BCAS3: variants seen among roughly 807,000 people sequenced by gnomAD.
The protein encoded by BCAS3 is BCAS4/BCAS3 fusion.
A neutral mutation model predicts 116.1 loss-of-function variants in BCAS3; 53 were observed. The observed-to-expected ratio is 0.46, with a 90% CI of 0.37 to 0.57. The LOEUF is 0.57. Ranked by LOEUF, BCAS3 falls within the 20% of genes least tolerant of loss-of-function variation. The pLI, the probability that BCAS3 is intolerant of heterozygous loss-of-function variation, is 0.00. For missense variants in BCAS3, 917 were observed against 1,165.4 expected (o/e 0.79, Z 3.10); for synonymous variants, 391 against 408.2 (o/e 0.96, Z 0.51).
intron 6 of BCAS3, among the ~76,000 whole-genome samples, chr17:60,762,532 G>T (rs1309644828): frequency 6.6e-6 from 1 of 152,012 alleles, no homozygotes; most frequent in African/African-American, 2.4e-5. Context: ...TTATTCTGAG[G>T]CCTCTGTTCT....
chr17:60,868,527 T>C (rs765925789), intron 7 of BCAS3, 49 bp from the exon 8 acceptor site: 2 of 1,142,686 alleles, frequency 1.8e-6, no homozygotes, highest in Non-Finnish European at 2.4e-6. Flanking sequence ...AGATTATTGG[T>C]CTTTCTTTTT....
chr17:60,752,626 T>C (rs1160712941), intron 6 of BCAS3, among the ~76,000 whole-genome samples: 2 of 152,020 alleles, frequency 1.3e-5, no homozygotes, highest in East Asian at 1.9e-4. Context: ...GGTTTCACCA[T>C]GTTAGCCAGG....
chr17:61,148,948 G>A (rs2077393738), intron 22 of BCAS3, among the ~76,000 whole-genome samples: 1 of 152,204 alleles, frequency 6.6e-6, no homozygotes, highest in African/African-American at 2.4e-5. Context: ...TGGGAGAATT[G>A]ATTGTAACAT....
intron 22 of BCAS3, among the ~76,000 whole-genome samples, chr17:61,254,777 G>GAAAA (rs61471068): frequency 4.1e-5 from 3 of 73,532 alleles, no homozygotes; most frequent in Admixed American, 2.3e-4. Context: ...CTCCGTCTCA[G>GAAAA]AAAAAAAAAA....
rs1263994626 is a variant in BCAS3, at chr17:61,354,748, A to G, written c.2426-13579A>G. On this transcript the variant is annotated intron_variant, in intron 22 of 23. Transcript: ENST00000407086. The surrounding 1 kb of genome is among the most constrained non-coding windows in gnomAD (Gnocchi z 4.5). ...GGTTTAGGTGGTTGAGAGAGGTGGAAGGTTGACCACACACTCCAAATACAC... is the reference window on the plus strand; with the variant it reads ...GGTTTAGGTGGTTGAGAGAGGTGGAGGGTTGACCACACACTCCAAATACAC... 1.3e-5 allele frequency: 2 copies of G among 152,254 alleles called. No individual in the cohort carries two copies. The highest frequency in any genetic ancestry group is 4.8e-5 in the African/African-American group (2 of 41,462). The allele number at this position is 152,254 out of a possible 1,614,324, so 9.4% of individuals were successfully genotyped here.
intron 7 of BCAS3, among the ~76,000 whole-genome samples, chr17:60,830,445 C>T (rs1296530682): frequency 6.6e-6 from 1 of 152,108 alleles, no homozygotes; most frequent in African/African-American, 2.4e-5. Flanking sequence ...AAAAATGGGA[C>T]AAACATGAAG....
intron 22 of BCAS3, among the ~76,000 whole-genome samples, chr17:61,311,573 T>A (rs1418500040): frequency 1.3e-5 from 2 of 152,118 alleles, no homozygotes; most frequent in Admixed American, 6.6e-5. Flanking sequence ...ACTTGGGGGG[T>A]AAATTGTTGC....
At chr17:60,708,472 C>T (rs2037455440) in intron 4 of BCAS3, among the ~76,000 whole-genome samples, 1 of 152,148 alleles carries the variant, frequency 6.6e-6, no homozygotes, top group Admixed American at 6.6e-5. Context: ...GCTCCTTCCA[C>T]TTCAGTCTCC....
chr17:60,989,065 A>T (rs1176081794), intron 14 of BCAS3, among the ~76,000 whole-genome samples: 2 of 151,442 alleles, frequency 1.3e-5, no homozygotes, highest in Non-Finnish European at 1.5e-5. Context: ...CCATATATAT[A>T]TTTTCATGTT....
chr17:61,114,777 G>A (rs1446239898), intron 22 of BCAS3, among the ~76,000 whole-genome samples: 13 of 149,486 alleles, frequency 8.7e-5, no homozygotes, highest in South Asian at 8.5e-4. Context: ...AGCCCGCATC[G>A]CCAAGGCAAT....
At position 61,010,035 on chromosome 17, in the gene BCAS3, G is replaced by A. The variant is rs548072439; in HGVS notation, c.1487-5716G>A. On this transcript the variant is annotated intron_variant, in intron 15 of 23. Coordinates refer to ENST00000407086, the MANE Select transcript of BCAS3 (RefSeq NM_017679.5). ...TAATTTGTTTTTACTTTGTCTGCAG[G>A]GATTTCTTTTGTCCGGAGTTTTCAG... 4.0e-5 allele frequency among the ~76,000 whole-genome samples: 6 copies of A among 150,258 alleles called. No individual in the cohort carries two copies. In the East Asian group the frequency reaches 1.2e-3, roughly 29 times the overall value.
intron 8 of BCAS3, among the ~76,000 whole-genome samples, chr17:60,871,979 C>T (rs1298465184): frequency 1.3e-5 from 2 of 151,930 alleles, no homozygotes; most frequent in Non-Finnish European, 2.9e-5. Flanking sequence ...GGTTAACATA[C>T]ATTTATGGTT....
rs1002465167 is a variant in BCAS3, at chr17:61,348,794, C to T, written c.2426-19533C>T. Among the ~76,000 whole-genome samples, 1 of 148,726 alleles carries T rather than the reference C, an allele frequency of 6.7e-6. No homozygotes were observed. The highest frequency in any genetic ancestry group is 6.7e-5 in the Admixed American group (1 of 14,896). On this transcript the variant is annotated intron_variant, in intron 22 of 23. Transcript: ENST00000407086. The surrounding 1 kb of genome is among the most constrained non-coding windows in gnomAD (Gnocchi z 4.5). ...TTGAAACAGAGTCTCACTCTGTCGC[C>T]GAGGCTGGAGTGCAGTGGCATGATA...
At chr17:61,049,648 C>G (rs1045897051) in intron 19 of BCAS3, among the ~76,000 whole-genome samples, 2 of 151,346 alleles carry the variant, frequency 1.3e-5, no homozygotes, top group Non-Finnish European at 2.9e-5. Flanking sequence ...AAAAAAAAAT[C>G]TTAAAAGCAG....
At chr17:61,003,206 GTA>G (rs1036193635) in intron 15 of BCAS3, among the ~76,000 whole-genome samples, 50 of 150,930 alleles carry the variant, frequency 3.3e-4, no homozygotes, top group Middle Eastern at 3.4e-3. Context: ...TTTCCCCAAC[GTA>G]TGTTTCAGTC....
chr17:60,976,607 C>T (rs2062396492), intron 14 of BCAS3, among the ~76,000 whole-genome samples: 2 of 151,914 alleles, frequency 1.3e-5, no homozygotes, highest in African/African-American at 4.8e-5. Context: ...TGTTTGTGTC[C>T]CTGGGTATTT....
rs184430637 is a variant in BCAS3, at chr17:61,227,091, T to C, written c.2426-141236T>C. 1.2e-4 allele frequency among the ~76,000 whole-genome samples: 18 copies of C among 152,282 alleles called. No individual in the cohort carries two copies. The highest frequency in any genetic ancestry group is 7.2e-4 in the Admixed American group (11 of 15,296). On this transcript the variant is annotated intron_variant, in intron 22 of 23. Transcript: ENST00000407086. This position sits in a 1 kb window ranked among gnomAD's most constrained non-coding sequence, Gnocchi z 6.1. ...ACGCCCCTTTCCCATAGGTTATGGT[T>C]ACTCCATAGTTAAGCTGATGTTACG...
rs1180623410 is a variant in BCAS3 at position 61,314,793 on chromosome 17, A to G, written c.2426-53534A>G. Among the ~76,000 whole-genome samples, 3 of 152,274 alleles carry G rather than the reference A, an allele frequency of 2.0e-5. No homozygotes were observed. The East Asian group carries it at 5.8e-4, about 29-fold the overall frequency. On this transcript the variant is annotated intron_variant, in intron 22 of 23. Transcript: ENST00000407086. ...TCTCCTAAATGAAAAATGTTACCTA[A>G]TTGCCTAAAACAGCTGGCTTGATGT...
At chr17:60,742,074 A>C (rs1408255082) in intron 5 of BCAS3, among the ~76,000 whole-genome samples, 1 of 152,204 alleles carries the variant, frequency 6.6e-6, no homozygotes, top group Non-Finnish European at 1.5e-5. Flanking sequence ...ACAGAGAAGC[A>C]ATTAGGAATA....
Sources: gnomAD v4.1 joint callset for allele counts (sites outside exome capture counted in the v4.1 genomes callset) on GRCh38, gnomAD v4.1.1 for gene constraint, Gnocchi (gnomAD v3.1) non-coding constraint, MANE v1.5 for transcripts, NCBI Gene and HGNC (gene_info 2026-07-23, HGNC 2026-07-21) for gene names.